ROBO1: variants seen among roughly 807,000 people sequenced by gnomAD.
The protein encoded by ROBO1 is roundabout homolog 1.
In ROBO1, 149 loss-of-function variants were observed where a neutral mutation model predicts 195.9. The observed-to-expected ratio is 0.76, with a 90% CI of 0.67 to 0.87. ROBO1 has a LOEUF of 0.87. Among genes scored for constraint, ROBO1 ranks in the 40% least tolerant of loss-of-function variants. ROBO1 has a pLI of 0.00. For synonymous variants in ROBO1, 816 were observed against 733.2 expected, an observed-to-expected ratio of 1.11 and a Z score of -1.82; for missense variants, 1,933 against 2,068.3, an observed-to-expected ratio of 0.93 and a Z score of 1.27.
intron 2 of ROBO1, among the ~76,000 whole-genome samples, chr3:79,451,843 T>G (rs771564590): frequency 1.3e-5 from 2 of 151,970 alleles, no homozygotes; most frequent in Non-Finnish European, 2.9e-5. Flanking sequence ...GGTCTTGCTG[T>G]AAACAATGAT....
chr3:79,049,346 G>T (rs934066941), intron 3 of ROBO1, among the ~76,000 whole-genome samples: 1 of 152,038 alleles, frequency 6.6e-6, no homozygotes. Context: ...CAAGATTAGA[G>T]AAAAATGAAT....
At chr3:79,334,570 T>A (rs997641589) in intron 2 of ROBO1, among the ~76,000 whole-genome samples, 4 of 151,858 alleles carry the variant, frequency 2.6e-5, no homozygotes, top group Non-Finnish European at 1.5e-5. Context: ...GAATGTGTGA[T>A]GGAGCCCTCT....
intron 1 of ROBO1, among the ~76,000 whole-genome samples, chr3:79,689,748 G>A (rs943005544): frequency 7.2e-5 from 11 of 151,902 alleles, no homozygotes; most frequent in African/African-American, 2.7e-4. Context: ...CCAGTATAGT[G>A]TTATCCTTAC....
chr3:78,841,177 G>A (rs1400568059), intron 4 of ROBO1, among the ~76,000 whole-genome samples: 2 of 151,892 alleles, frequency 1.3e-5, no homozygotes, highest in Non-Finnish European at 2.9e-5. Flanking sequence ...CTTCAAAATA[G>A]GATAATGAGG....
intron 2 of ROBO1, among the ~76,000 whole-genome samples, chr3:79,454,130 C>T (rs1160896629): frequency 8.0e-6 from 1 of 124,476 alleles, no homozygotes; most frequent in Admixed American, 9.3e-5. Flanking sequence ...TAATTTCATT[C>T]CTTTTTTTTT....
intron 8 of ROBO1, among the ~76,000 whole-genome samples, chr3:78,713,716 A>G (rs1439201862): frequency 6.6e-6 from 1 of 152,206 alleles, no homozygotes; most frequent in African/African-American, 2.4e-5. Flanking sequence ...TCCTCCTATC[A>G]GCTTAAGACG....
chr3:79,350,090 T>A (rs2035280343), intron 2 of ROBO1, among the ~76,000 whole-genome samples: 1 of 152,056 alleles, frequency 6.6e-6, no homozygotes, highest in Non-Finnish European at 1.5e-5. Flanking sequence ...AACAGCATAA[T>A]AAAGAGATAC....
chr3:79,001,991 T>C (rs1178673471), intron 3 of ROBO1, among the ~76,000 whole-genome samples: 1 of 152,176 alleles, frequency 6.6e-6, no homozygotes, highest in East Asian at 1.9e-4. Context: ...CAAACAGTTA[T>C]GGAGCTCCCA....
At chr3:79,445,832 T>G (rs1312611983) in intron 2 of ROBO1, among the ~76,000 whole-genome samples, 2 of 152,098 alleles carry the variant, frequency 1.3e-5, no homozygotes, top group Admixed American at 1.3e-4. Flanking sequence ...CGGCTAATTT[T>G]TAGTACAGAC....
chr3:79,384,621 T>C (rs1237608794), intron 2 of ROBO1, among the ~76,000 whole-genome samples: 1 of 152,010 alleles, frequency 6.6e-6, no homozygotes. Flanking sequence ...TAAAGTTGAG[T>C]TTAATTTTAA....
At chr3:78,615,213 C>T (rs1047559561) in intron 27 of ROBO1, among the ~76,000 whole-genome samples, 4 of 152,120 alleles carry the variant, frequency 2.6e-5, no homozygotes, top group Non-Finnish European at 5.9e-5. Context: ...TTAAGAAATT[C>T]ATGTTCTAAG....
intron 2 of ROBO1, among the ~76,000 whole-genome samples, chr3:79,588,774 T>C (rs1314594627): frequency 6.6e-6 from 1 of 151,744 alleles, no homozygotes; most frequent in Non-Finnish European, 1.5e-5. Context: ...TCATTAAATG[T>C]ATTTTATTAC....
intron 3 of ROBO1, among the ~76,000 whole-genome samples, chr3:78,981,764 C>T (rs111606307): frequency 0.026 from 3,863 of 151,084 alleles, 155 homozygotes; most frequent in African/African-American, 0.087. Context: ...CTCATTTCTC[C>T]GCTCCCATCC....
At chr3:79,297,381 A>G (rs1466279441) in intron 2 of ROBO1, among the ~76,000 whole-genome samples, 1 of 152,164 alleles carries the variant, frequency 6.6e-6, no homozygotes, top group Non-Finnish European at 1.5e-5. Flanking sequence ...TATAGGGACA[A>G]TTACATAACT....
chr3:79,323,226 C>T (rs1365334515), intron 2 of ROBO1, among the ~76,000 whole-genome samples: 1 of 152,032 alleles, frequency 6.6e-6, no homozygotes, highest in Non-Finnish European at 1.5e-5. Context: ...GGACTACAGG[C>T]ACATGCCACC....
intron 4 of ROBO1, among the ~76,000 whole-genome samples, chr3:78,855,505 C>T (rs1195966397): frequency 2.6e-5 from 4 of 152,204 alleles, no homozygotes; most frequent in Admixed American, 2.6e-4. Flanking sequence ...TGAAACACCT[C>T]CGCACTGCTA....
chr3:79,394,401 G>A (rs1469074948), intron 2 of ROBO1, among the ~76,000 whole-genome samples: 4 of 151,820 alleles, frequency 2.6e-5, no homozygotes, highest in Admixed American at 1.3e-4. Flanking sequence ...AAAGAATAAA[G>A]TAAATTGAAT....
intron 7 of ROBO1, among the ~76,000 whole-genome samples, chr3:78,715,746 G>T (rs2081887185): frequency 6.6e-6 from 1 of 152,100 alleles, no homozygotes; most frequent in Non-Finnish European, 1.5e-5. Context: ...ATGTTGGCCA[G>T]GCTGGTCTCG....
intron 4 of ROBO1, among the ~76,000 whole-genome samples, chr3:78,919,944 C>A (rs1039543797): frequency 2.0e-5 from 3 of 152,124 alleles, no homozygotes; most frequent in Admixed American, 6.5e-5. Context: ...GGTCTGGAAC[C>A]AATTACCTGT....
Sources: allele counts gnomAD v4.1 joint callset (sites outside exome capture counted in the v4.1 genomes callset), GRCh38; gene constraint gnomAD v4.1.1; transcripts MANE v1.5; gene names NCBI Gene and HGNC (gene_info 2026-07-23, HGNC 2026-07-21).